TOX2: variants seen among roughly 807,000 people sequenced by gnomAD.
TOX2 encodes the protein granulosa cell HMG box 1.
Under a neutral mutation model 47.4 loss-of-function variants are expected in TOX2, and 15 were observed. The observed-to-expected ratio is 0.32, with a 90% CI of 0.21 to 0.49. The LOEUF (loss-of-function observed/expected upper bound fraction) is 0.49. TOX2 is among the 20% of genes least tolerant of loss of function. The pLI, the probability that TOX2 is intolerant of heterozygous loss-of-function variation, is 0.99. For missense variants in TOX2, 622 were observed against 673.1 expected (o/e 0.92, Z 0.84); for synonymous variants, 290 against 296.6 (o/e 0.98, Z 0.23).
intron 1 of TOX2, among the ~76,000 whole-genome samples, chr20:43,953,421 T>C (rs1209131885): frequency 6.6e-6 from 1 of 152,180 alleles, no homozygotes; most frequent in Admixed American, 6.5e-5. Context: ...ATCACGTTCA[T>C]GCACAGGCAG....
chr20:43,970,063 G>T (rs890387856), intron 1 of TOX2, among the ~76,000 whole-genome samples: 3 of 152,018 alleles, frequency 2.0e-5, no homozygotes, highest in Admixed American at 1.3e-4. Context: ...CCTGTTATGC[G>T]CCAGGCCCAA....
At chr20:44,017,554 C>T (rs575674057) in intron 3 of TOX2, among the ~76,000 whole-genome samples, 1 of 152,194 alleles carries the variant, frequency 6.6e-6, no homozygotes, top group Non-Finnish European at 1.5e-5. Context: ...AGATGCTTCA[C>T]CTTGGCCTTT....
chr20:43,941,325 T>TTG lies in TOX2; in HGVS notation c.99+26336_99+26337insGT, dbSNP rs374024672. On this transcript the variant is annotated intron_variant, in intron 1 of 8. Transcript: ENST00000341197. ...TGGATAATAGGTGGTTTTAAAGCCT[T>TTG]TTTTTTTTTTTTTGAGTATTTTTTG... Among the ~76,000 whole-genome samples the TTG allele has an allele frequency of 1.0e-3, 149 of 147,002 alleles. 1 individual carries two copies. The highest frequency in any genetic ancestry group is 3.4e-3 in the African/African-American group (139 of 40,400).
At chr20:43,923,206 C>T (rs983973645) in intron 1 of TOX2, among the ~76,000 whole-genome samples, 3 of 152,110 alleles carry the variant, frequency 2.0e-5, no homozygotes, top group African/African-American at 7.2e-5. Flanking sequence ...GCCTTGCACC[C>T]CAGCCTGTGG....
intron 4 of TOX2, among the ~76,000 whole-genome samples, chr20:44,052,425 C>A (rs902664265): frequency 6.6e-6 from 1 of 152,176 alleles, no homozygotes; most frequent in Non-Finnish European, 1.5e-5. Flanking sequence ...GACTTATCTC[C>A]CTCCGTGCCT....
chr20:43,976,782 G>GCACACACA lies in TOX2; in HGVS notation c.165+3365_165+3372dup, dbSNP rs11086916. 3.8e-3 allele frequency among the ~76,000 whole-genome samples: 561 copies of GCACACACA among 146,536 alleles called. 4 individuals are homozygous for GCACACACA. The highest frequency in any genetic ancestry group is 0.013 in the African/African-American group (502 of 38,306). On this transcript the variant is annotated intron_variant, in intron 2 of 8. Coordinates refer to ENST00000341197, the MANE Select transcript of TOX2 (RefSeq NM_001098797.2). ...TTGAACTCACAACGCGAGCGCGCGC[G>GCACACACA]CACACACACACACACACACACATAC... is the stretch of plus-strand genomic sequence containing the variant.
chr20:43,945,677 C>T, intron 1 of TOX2: 4 of 493,120 alleles, frequency 8.1e-6, no homozygotes, highest in Non-Finnish European at 1.4e-5. Context: ...TCCCCTTCTG[C>T]TCCCCGAGAC....
At chr20:44,028,204 T>C (rs1052037283) in intron 3 of TOX2, among the ~76,000 whole-genome samples, 4 of 152,032 alleles carry the variant, frequency 2.6e-5, no homozygotes, top group Non-Finnish European at 4.4e-5. Context: ...CAAGGGCATT[T>C]GAACTGAGTC....
At chr20:44,002,579 C>T (rs2070602655) in intron 2 of TOX2, among the ~76,000 whole-genome samples, 1 of 152,174 alleles carries the variant, frequency 6.6e-6, no homozygotes, top group Non-Finnish European at 1.5e-5. Context: ...GTCTGTTTTG[C>T]ATTGCTATAA....
chr20:43,966,647 A>G (rs776770110), intron 1 of TOX2, among the ~76,000 whole-genome samples: 23 of 151,840 alleles, frequency 1.5e-4, no homozygotes, highest in Admixed American at 1.5e-3. Context: ...CCAGCTACTC[A>G]GGAGGCTGAG....
chr20:43,920,468 G>A (rs1168436757), intron 1 of TOX2, among the ~76,000 whole-genome samples: 2 of 152,176 alleles, frequency 1.3e-5, no homozygotes, highest in African/African-American at 4.8e-5. Flanking sequence ...AGGTACCCTG[G>A]GATGGGTGGG....
intron 2 of TOX2, among the ~76,000 whole-genome samples, chr20:43,994,459 C>CAAAAA (rs1555837275): frequency 8.2e-4 from 105 of 127,990 alleles, no homozygotes; most frequent in Non-Finnish European, 1.4e-3. Context: ...ACCCTGTCTC[C>CAAAAA]AAAAAAAAAA....
In TOX2 at chr20:44,027,035, G is replaced by A. The variant is rs73292475; in HGVS notation, c.411+20243G>A. On this transcript the variant is annotated intron_variant, in intron 3 of 8. Transcript: ENST00000341197. Reference sequence around the variant, plus strand: ...GTGAGGATACAAAATATTGAGCGGCGAGGCAGTAAAACACGGCAGTGTTTG... The same window carrying A: ...GTGAGGATACAAAATATTGAGCGGCAAGGCAGTAAAACACGGCAGTGTTTG... Among the ~76,000 whole-genome samples, 623 of 152,292 alleles carry A rather than the reference G, an allele frequency of 4.1e-3. 2 individuals are homozygous for A. The highest frequency in any genetic ancestry group is 0.014 in the African/African-American group (588 of 41,558).
chr20:44,015,443 G>A (rs540107495), intron 3 of TOX2, among the ~76,000 whole-genome samples: 5 of 152,044 alleles, frequency 3.3e-5, no homozygotes, highest in East Asian at 1.9e-4. Context: ...GACTAACACC[G>A]GCTCTGAAAG....
chr20:44,009,009 C>T (rs1397882433), intron 3 of TOX2, among the ~76,000 whole-genome samples: 2 of 151,910 alleles, frequency 1.3e-5, no homozygotes, highest in African/African-American at 4.8e-5. Context: ...ACTATTTTGT[C>T]AGCTTGAGTC....
chr20:43,940,230 T>G (rs76260064), intron 1 of TOX2, among the ~76,000 whole-genome samples: 5 of 151,978 alleles, frequency 3.3e-5, no homozygotes, highest in Non-Finnish European at 5.9e-5. Flanking sequence ...TTTTTTTTTT[T>G]GAAGAGTTGG....
chr20:43,979,531 G>A (rs1268208912), intron 2 of TOX2, among the ~76,000 whole-genome samples: 2 of 152,072 alleles, frequency 1.3e-5, no homozygotes, highest in African/African-American at 4.8e-5. Flanking sequence ...CTTTGATAAT[G>A]GGATCACATC....
At chr20:43,952,027 G>T (rs1464090928) in intron 1 of TOX2, among the ~76,000 whole-genome samples, 2 of 151,486 alleles carry the variant, frequency 1.3e-5, no homozygotes, top group African/African-American at 4.8e-5. Flanking sequence ...CTCCCGAGTA[G>T]CTGGAACTAC....
At chr20:44,034,239 G>GTT (rs1274930357) in intron 3 of TOX2, among the ~76,000 whole-genome samples, 10 of 148,418 alleles carry the variant, frequency 6.7e-5, no homozygotes, top group African/African-American at 1.7e-4. Flanking sequence ...AGTCAGTTCA[G>GTT]TTTTTTTTTT....
Sources: allele counts gnomAD v4.1 joint callset (sites outside exome capture counted in the v4.1 genomes callset), GRCh38; gene constraint gnomAD v4.1.1; transcripts MANE v1.5; gene names NCBI Gene and HGNC (gene_info 2026-07-23, HGNC 2026-07-21).